The following PSD3 variants were observed in gnomAD, a reference collection of about 807,000 sequenced individuals.
The protein encoded by PSD3 is PH and SEC7 domain-containing protein 3.
PSD3 carries 49 observed loss-of-function variants against 105.5 expected under a neutral mutation model. That is an observed-to-expected ratio of 0.46 (90% CI 0.37 to 0.59). PSD3 has a LOEUF of 0.59. Among genes scored for constraint, PSD3 ranks in the 20% least tolerant of loss-of-function variants. The pLI is 0.00. For missense variants in PSD3, 1,561 were observed against 1,263.8 expected (o/e 1.24, Z -3.57); for synonymous variants, 557 against 457.8 (o/e 1.22, Z -2.77).
At chr8:18,932,672 A>C (rs1366369314) in intron 2 of PSD3, among the ~76,000 whole-genome samples, 1 of 152,188 alleles carries the variant, frequency 6.6e-6, no homozygotes, top group African/African-American at 2.4e-5. Context: ...ACTTATTTTT[A>C]AAAGTCTGTA....
intron 12 of PSD3, among the ~76,000 whole-genome samples, chr8:18,581,487 C>G (rs563268116): frequency 1.2e-3 from 176 of 152,292 alleles, no homozygotes; most frequent in Middle Eastern, 3.4e-3. Flanking sequence ...CAGATCATGA[C>G]TGATACCTGG....
chr8:18,572,571 A>C lies in PSD3; in HGVS notation c.2741T>G (p.Phe914Cys). 6.2e-7 allele frequency: 1 copy of C among 1,614,074 alleles called. No homozygotes were observed. The highest frequency in any genetic ancestry group is 8.5e-7 in the Non-Finnish European group (1 of 1,179,948). Reference protein sequence around the residue: ...FPAAIGSQKKFSRPLLPATTT... With the variant: ...FPAAIGSQKKCSRPLLPATTT... ...AGTGGCAGGCAGAAGTGGGCGGCTA[A>C]ACTTCTTCTGAGAGCCGATTGCTGC... Residue 914 changes from phenylalanine to cysteine, a missense_variant, in exon 14 of 16, where the codon TTT (phenylalanine) becomes TGT (cysteine). Coordinates refer to ENST00000327040, the MANE Select transcript of PSD3 (RefSeq NM_015310.4).
intron 1 of PSD3, among the ~76,000 whole-genome samples, chr8:18,952,075 T>C (rs1408412364): frequency 6.6e-6 from 1 of 152,214 alleles, no homozygotes; most frequent in African/African-American, 2.4e-5. Context: ...AGACAATGCA[T>C]GAACTAAAGA....
rs777018344 is a variant in PSD3 at position 18,572,620 on chromosome 8, C to T, written c.2692G>A (p.Val898Ile). ...WINKINCVAA[V>I]FSAPPFPAAI... is the part of the protein sequence containing the mutation. ...GCTGGAAATGGTGGTGCAGAAAATA[C>T]AGCTGCCACACAATTGATTTTGTTT... is the stretch of plus-strand genomic sequence containing the variant. The change falls in exon 14 of 16, where the codon GTA (valine) becomes ATA (isoleucine). Residue 898 changes from valine (V) to isoleucine (I), a missense_variant. Val to Ile is a conservative substitution (Grantham distance 29, BLOSUM62 3). Coordinates refer to ENST00000327040, the MANE Select transcript of PSD3 (RefSeq NM_015310.4). The T allele has an allele frequency of 1.9e-6, 3 of 1,613,898 alleles. No individual in the cohort carries two copies. Among genetic ancestry groups the T allele is most frequent in the African/African-American group, 1.3e-5 (1 of 74,906 alleles).
At chr8:18,756,030 T>C (rs1378472673) in intron 9 of PSD3, among the ~76,000 whole-genome samples, 1 of 152,184 alleles carries the variant, frequency 6.6e-6, no homozygotes, top group Non-Finnish European at 1.5e-5. Flanking sequence ...TTCCATATTT[T>C]AAGCCAGAAC....
chr8:19,017,236 G>C (rs76795953), upstream of PSD3, among the ~76,000 whole-genome samples: 13,811 of 151,726 alleles, frequency 0.091, 681 homozygotes, highest in African/African-American at 0.12. Context: ...ATTTATTTAA[G>C]ATGGGGTCTC....
intron 8 of PSD3, among the ~76,000 whole-genome samples, chr8:18,798,035 C>T (rs79768913): frequency 0.024 from 3,685 of 152,130 alleles, 166 homozygotes; most frequent in East Asian, 0.14. Context: ...ACTTGCTTGG[C>T]CAGTAACACG....
At position 18,872,218 on chromosome 8, in the gene PSD3, C is replaced by T. The variant is rs771922599; in HGVS notation, c.646G>A (p.Asp216Asn). 1.5e-5 allele frequency: 24 copies of T among 1,614,184 alleles called. 1 individual carries two copies. In the Admixed American group the frequency reaches 4.0e-4, roughly 27 times the overall value. The stretch of plus-strand genomic sequence containing the variant: ...TCTCCAGTTAACAGCGCGGTGAGAT[C>T]TTTCTGGATGCTCAAATAAAAACTT... ...EESFYLSIQK[D>N]LTALLTGDTQ... Residue 216 changes from aspartate to asparagine, a missense_variant, in exon 3 of 16, where the codon GAT (aspartate) becomes AAT (asparagine). Physicochemically the swap from Asp to Asn is conservative, Grantham distance 23. Coordinates refer to ENST00000327040, the MANE Select transcript of PSD3 (RefSeq NM_015310.4).
chr8:18,988,523 TTTTC>T (rs1825626690), intron 1 of PSD3, among the ~76,000 whole-genome samples: 1 of 151,966 alleles, frequency 6.6e-6, no homozygotes, highest in East Asian at 1.9e-4. Context: ...TAGGAAATGG[TTTTC>T]CTAATTAGTC....
intron 7 of PSD3, among the ~76,000 whole-genome samples, chr8:18,800,616 C>G: frequency 6.6e-6 from 1 of 152,186 alleles, no homozygotes; most frequent in East Asian, 1.9e-4. Flanking sequence ...AAAGATCTCT[C>G]TTCACAAGGT....
chr8:18,614,978 G>T (rs749026727), intron 11 of PSD3, among the ~76,000 whole-genome samples: 1 of 152,048 alleles, frequency 6.6e-6, no homozygotes. Flanking sequence ...ATATGCTGGA[G>T]AACTTGCTGT....
At chr8:18,921,536 G>A (rs1320965181) in intron 2 of PSD3, among the ~76,000 whole-genome samples, 1 of 152,144 alleles carries the variant, frequency 6.6e-6, no homozygotes, top group Non-Finnish European at 1.5e-5. Context: ...AGTTTTGTGG[G>A]TCCTGAAACC....
intron 12 of PSD3, among the ~76,000 whole-genome samples, chr8:18,584,872 A>T (rs1392533388): frequency 6.6e-6 from 1 of 152,138 alleles, no homozygotes; most frequent in East Asian, 1.9e-4. Context: ...TTATTTTTTC[A>T]TAAAGGGACT....
chr8:18,606,011 C>G (rs1363027761), intron 11 of PSD3, among the ~76,000 whole-genome samples: 1 of 152,168 alleles, frequency 6.6e-6, no homozygotes. Flanking sequence ...TCGGGTATTT[C>G]TTCAGATGAG....
In PSD3 at chr8:18,753,307, T is replaced by A. The variant is rs1163414639; in HGVS notation, c.2172+12142A>T. Among the ~76,000 whole-genome samples the A allele has an allele frequency of 4.0e-5, 6 of 151,114 alleles. 1 individual carries two copies. Among genetic ancestry groups the A allele is most frequent in the Admixed American group, 4.0e-4 (6 of 15,186 alleles). On this transcript the variant is annotated intron_variant, in intron 9 of 15. Transcript: ENST00000327040. ...AGGTGGAAGTTGCAGTGAGCCGAGA[T>A]CATGCCACTGTACTCCAGCCTAGGG...
At chr8:18,657,296 A>G (rs1239303622) in intron 9 of PSD3, among the ~76,000 whole-genome samples, 1 of 152,208 alleles carries the variant, frequency 6.6e-6, no homozygotes, top group Non-Finnish European at 1.5e-5. Flanking sequence ...ATACTTCCAA[A>G]TTCAGTACAA....
intron 2 of PSD3, among the ~76,000 whole-genome samples, chr8:18,934,442 G>A (rs902707644): frequency 5.9e-5 from 9 of 151,882 alleles, no homozygotes; most frequent in Admixed American, 2.6e-4. Flanking sequence ...ACGGAGTCTC[G>A]CTCTATCGCC....
chr8:18,952,000 A>G (rs1823268281), intron 1 of PSD3, among the ~76,000 whole-genome samples: 4 of 152,084 alleles, frequency 2.6e-5, no homozygotes. Flanking sequence ...CAAACAAACA[A>G]AAAACTGGGA....
intron 1 of PSD3, among the ~76,000 whole-genome samples, chr8:18,973,839 A>T (rs767186534): frequency 5.3e-5 from 8 of 152,202 alleles, no homozygotes; most frequent in Non-Finnish European, 1.0e-4. Context: ...GTTACTAAGG[A>T]CTTACTATGA....
Sources: gnomAD v4.1 joint callset for allele counts (sites outside exome capture counted in the v4.1 genomes callset) on GRCh38, gnomAD v4.1.1 for gene constraint, MANE v1.5 for transcripts, NCBI Gene and HGNC (gene_info 2026-07-23, HGNC 2026-07-21) for gene names.